The following NSUN6 variants were observed in gnomAD, a reference collection of about 807,000 sequenced individuals.
NSUN6 encodes tRNA (cytosine(72)-C(5))-methyltransferase NSUN6.
In NSUN6, 64 loss-of-function variants were observed where a neutral mutation model predicts 58.0. The observed-to-expected ratio is 1.10, with a 90% CI of 0.90 to 1.36. NSUN6 has a LOEUF of 1.36. Among genes scored for constraint, NSUN6 ranks in the 40% most tolerant of loss-of-function variants. The pLI, the probability that NSUN6 is intolerant of heterozygous loss-of-function variation, is 0.00. For synonymous variants in NSUN6, 231 were observed against 193.9 expected, an observed-to-expected ratio of 1.19 and a Z score of -1.59; for missense variants, 701 against 550.1, an observed-to-expected ratio of 1.27 and a Z score of -2.74.
chr10:18,549,080 A>G (rs990489484), intron 9 of NSUN6, among the ~76,000 whole-genome samples: 1 of 152,064 alleles, frequency 6.6e-6, no homozygotes, highest in Non-Finnish European at 1.5e-5. Flanking sequence ...ACAGCAGCCA[A>G]AGCAGTCCTT....
chr10:18,651,721 C>A (rs192822166), upstream of NSUN6: 1 of 985,664 alleles, frequency 1.0e-6, no homozygotes, highest in East Asian at 1.1e-4. Flanking sequence ...CACTGCGTTA[C>A]GCTACGCCAC....
At chr10:18,656,272 A>T (rs2059776601), upstream of NSUN6, among the ~76,000 whole-genome samples, 1 of 152,172 alleles carries the variant, frequency 6.6e-6, no homozygotes, top group Non-Finnish European at 1.5e-5. Flanking sequence ...GAGGAAAGTT[A>T]AAAAATGGTG....
chr10:18,586,246 G>C (rs2057134027), intron 7 of NSUN6, among the ~76,000 whole-genome samples, 153 bp from the exon 8 acceptor site: 1 of 152,150 alleles, frequency 6.6e-6, no homozygotes, highest in Non-Finnish European at 1.5e-5. Flanking sequence ...TTAACCAAAT[G>C]TATGTGTCTG....
At chr10:18,629,468 TAA>T (rs1160493512) in intron 3 of NSUN6, among the ~76,000 whole-genome samples, 1 of 149,490 alleles carries the variant, frequency 6.7e-6, no homozygotes, top group South Asian at 2.2e-4. Flanking sequence ...GCAAATTGGA[TAA>T]AGAGTCAAGA....
At chr10:18,553,700 G>C (rs193015901) in intron 8 of NSUN6, among the ~76,000 whole-genome samples, 309 of 151,572 alleles carry the variant, frequency 2.0e-3, no homozygotes, top group African/African-American at 5.2e-3. Flanking sequence ...ATGCAGAATG[G>C]AATGGAAATG....
At chr10:18,579,320 G>A (rs1021458041) in intron 8 of NSUN6, among the ~76,000 whole-genome samples, 13 of 152,042 alleles carry the variant, frequency 8.6e-5, no homozygotes, top group Middle Eastern at 3.4e-3. Context: ...ATAGGCGCCC[G>A]CCACCACATC....
intron 1 of NSUN6, among the ~76,000 whole-genome samples, chr10:18,650,376 A>G (rs1353712146): frequency 6.6e-6 from 1 of 152,196 alleles, no homozygotes; most frequent in East Asian, 1.9e-4. Context: ...TAAAATTAAC[A>G]TTTTTTGAGG....
intron 6 of NSUN6, among the ~76,000 whole-genome samples, chr10:18,601,141 T>G (rs963439434): frequency 1.3e-5 from 2 of 151,308 alleles, no homozygotes; most frequent in Non-Finnish European, 2.9e-5. Context: ...TCTTAAGTTA[T>G]AAACCAGTGC....
At chr10:18,576,422 G>A (rs2056650062) in intron 8 of NSUN6, among the ~76,000 whole-genome samples, 1 of 152,104 alleles carries the variant, frequency 6.6e-6, no homozygotes, top group East Asian at 1.9e-4. Context: ...CCTCAATGTA[G>A]AGCTTTTATG....
intron 3 of NSUN6, among the ~76,000 whole-genome samples, chr10:18,636,547 T>C (rs1027833879): frequency 1.3e-5 from 2 of 151,762 alleles, no homozygotes; most frequent in Non-Finnish European, 2.9e-5. Context: ...GTAGGAATTT[T>C]AGGGAAAATT....
chr10:18,571,362 C>T (rs573838547), intron 8 of NSUN6, among the ~76,000 whole-genome samples: 1 of 151,316 alleles, frequency 6.6e-6, no homozygotes, highest in Non-Finnish European at 1.5e-5. Context: ...ATTCCACTCT[C>T]CATTCCAGTT....
At chr10:18,640,650 T>C (rs1395322443) in intron 3 of NSUN6, among the ~76,000 whole-genome samples, 2 of 152,102 alleles carry the variant, frequency 1.3e-5, no homozygotes, top group African/African-American at 2.4e-5. Flanking sequence ...ATAATGGAAA[T>C]GCTCTATCTT....
chr10:18,615,126 T>C lies in NSUN6; in HGVS notation c.422-513A>G, dbSNP rs147870157. Reference sequence around the variant, plus strand: ...TCATTCATATATATATATATATATATATACACACACATATAGGCACACATA... The same window carrying C: ...TCATTCATATATATATATATATATACATACACACACATATAGGCACACATA... On this transcript the variant is annotated intron_variant, in intron 4 of 10. Transcript: ENST00000377304. Among the ~76,000 whole-genome samples, 518 of 146,848 alleles carry C rather than the reference T, an allele frequency of 3.5e-3. 3 individuals carry two copies. Among genetic ancestry groups the C allele is most frequent in the African/African-American group, 0.011 (457 of 40,074 alleles).
chr10:18,626,582 A>G (rs1298244666), intron 3 of NSUN6, among the ~76,000 whole-genome samples: 1 of 152,196 alleles, frequency 6.6e-6, no homozygotes, highest in Non-Finnish European at 1.5e-5. Flanking sequence ...AACCTGGCCA[A>G]CATGGTGAAA....
Position 18,642,346 on chromosome 10 carries a change from T to G in NSUN6, c.311+130A>C, listed in dbSNP as rs369320162. 6.8e-6 allele frequency: 4 copies of G among 586,708 alleles called. No individual in the cohort carries two copies. The South Asian group carries it at 9.4e-5, about 14-fold the overall frequency. 36.3% of individuals were successfully genotyped at this position (586,708 alleles called of 1,614,324 possible). On this transcript the variant is annotated intron_variant, in intron 3 of 10. Coordinates refer to ENST00000377304, the MANE Select transcript of NSUN6 (RefSeq NM_182543.5). ...TCTAAAGTCTGCATTTATGAAGTTT[T>G]GAATTCCTGTTATCTATAGAAAGTT... is the stretch of plus-strand genomic sequence containing the variant.
chr10:18,630,563 C>T (rs1234075814), intron 3 of NSUN6, among the ~76,000 whole-genome samples: 5 of 152,054 alleles, frequency 3.3e-5, no homozygotes, highest in Admixed American at 6.6e-5. Context: ...TAAAAAATGA[C>T]AAAGGGGATA....
chr10:18,621,461 T>G (rs148236708), intron 3 of NSUN6, among the ~76,000 whole-genome samples: 1 of 152,360 alleles, frequency 6.6e-6, no homozygotes, highest in Non-Finnish European at 1.5e-5. Flanking sequence ...ACTGACAATA[T>G]AAAAACACAG....
rs552832154 is a variant in NSUN6 at position 18,548,269 on chromosome 10, C to G, written c.1072-32G>C. 2.1e-5 allele frequency: 33 copies of G among 1,570,392 alleles called. No homozygotes were observed. The South Asian group carries it at 3.4e-4, about 16-fold the overall frequency. On this transcript the variant is annotated intron_variant, in intron 9 of 10. Transcript: ENST00000377304. ...AAAACTGTGATCAGACCACACACAG[C>G]ACAAGACCAGATAAACATATGAATG...
intron 3 of NSUN6, among the ~76,000 whole-genome samples, chr10:18,640,474 C>A (rs568053468): frequency 1.3e-5 from 2 of 152,232 alleles, no homozygotes; most frequent in Non-Finnish European, 1.5e-5. Flanking sequence ...AAAGTTTGAA[C>A]CTAAATAAGT....
Sources: allele counts gnomAD v4.1 joint callset (sites outside exome capture counted in the v4.1 genomes callset), GRCh38; gene constraint gnomAD v4.1.1; transcripts MANE v1.5; gene names NCBI Gene and HGNC (gene_info 2026-07-23, HGNC 2026-07-21).